The following DMXL2 variants were observed in gnomAD, a reference collection of about 807,000 sequenced individuals.
DMXL2 encodes the protein dmX-like protein 2.
Under a neutral mutation model 331.1 loss-of-function variants are expected in DMXL2, and 103 were observed. The ratio of observed to expected loss-of-function variants is 0.31; its 90% CI spans 0.27 to 0.37. The LOEUF is 0.37. Ranked by LOEUF, DMXL2 falls within the 10% of genes least tolerant of loss-of-function variation. The probability of loss-of-function intolerance (pLI) is 1.00; values close to 1 mark genes in which losing one functional copy is unlikely to be tolerated. For synonymous variants in DMXL2, 1,281 were observed against 1,252.1 expected (o/e 1.02, Z -0.49); for missense variants, 3,171 against 3,642.9 (o/e 0.87, Z 3.33).
At chr15:51,580,622 C>T (rs1438234365) in intron 1 of DMXL2, among the ~76,000 whole-genome samples, 2 of 152,156 alleles carry the variant, frequency 1.3e-5, no homozygotes, top group African/African-American at 4.8e-5. Flanking sequence ...TCAGCCCCTA[C>T]ACACAGAGAA....
At chr15:51,604,773 T>C (rs185325195) in intron 1 of DMXL2, among the ~76,000 whole-genome samples, 3 of 152,222 alleles carry the variant, frequency 2.0e-5, no homozygotes, top group East Asian at 3.9e-4. Context: ...GTAAAGGAAC[T>C]AGAATAACTA....
Position 51,469,676 on chromosome 15 carries a change from C to CA in DMXL2, c.7392+1546dup, listed in dbSNP as rs79500500. On this transcript the variant is annotated intron_variant, in intron 29 of 43. Coordinates refer to ENST00000560891, the MANE Select transcript of DMXL2 (RefSeq NM_001378457.1). ...GAAAAACAAAAATTTAGCACATTACCATTTACAAATCTTAATGTTGTTATC... is the reference window on the plus strand; with the variant it reads ...GAAAAACAAAAATTTAGCACATTACCAATTTACAAATCTTAATGTTGTTATC... Among the ~76,000 whole-genome samples, 415 of 152,250 alleles carry CA rather than the reference C, an allele frequency of 2.7e-3. 18 individuals carry two copies. In the East Asian group the frequency reaches 0.065, roughly 24 times the overall value.
At chr15:51,495,418 G>A (rs1294412806) in intron 18 of DMXL2, among the ~76,000 whole-genome samples, 3 of 151,936 alleles carry the variant, frequency 2.0e-5, no homozygotes, top group African/African-American at 7.3e-5. Context: ...AAAGACATCT[G>A]GAAATCCAAT....
At position 51,458,355 on chromosome 15, in the gene DMXL2, C is replaced by A; in HGVS notation, c.8198+151G>T. 4 of 718,442 alleles carry A rather than the reference C, an allele frequency of 5.6e-6. No individual in the cohort carries two copies. In the South Asian group the frequency reaches 7.7e-5, roughly 14 times the overall value. 44.5% of individuals were successfully genotyped at this position (718,442 alleles called of 1,614,324 possible). A position where few individuals can be genotyped will look rare whatever the true frequency, so the allele number is the denominator to read the frequency against. On this transcript the variant is annotated intron_variant, in intron 36 of 43. Coordinates refer to ENST00000560891, the MANE Select transcript of DMXL2 (RefSeq NM_001378457.1). Reference sequence around the variant, plus strand: ...TTCATTCAGTTAATGTAGACAAAGACTTTCACTGGCAGCTAAACCAATTAT... The same window carrying A: ...TTCATTCAGTTAATGTAGACAAAGAATTTCACTGGCAGCTAAACCAATTAT...
At chr15:51,599,299 A>G (rs2053057713) in intron 1 of DMXL2, among the ~76,000 whole-genome samples, 1 of 152,208 alleles carries the variant, frequency 6.6e-6, no homozygotes, top group South Asian at 2.1e-4. Context: ...TAGTGGACAA[A>G]GGTATTTAGA....
intron 27 of DMXL2, among the ~76,000 whole-genome samples, chr15:51,476,262 T>C (rs1205205671): frequency 6.6e-6 from 1 of 152,190 alleles, no homozygotes; most frequent in Non-Finnish European, 1.5e-5. Context: ...ATGGTATGTC[T>C]GTGAAAATAT....
intron 33 of DMXL2, among the ~76,000 whole-genome samples, chr15:51,462,269 C>T (rs1400268923): frequency 6.6e-6 from 1 of 151,854 alleles, no homozygotes; most frequent in Non-Finnish European, 1.5e-5. Context: ...CGTATGGACT[C>T]TCTCTGTTTT....
At chr15:51,466,155 A>G in intron 30 of DMXL2, 29 bp downstream of exon 30, 2 of 1,531,064 alleles carry the variant, frequency 1.3e-6, no homozygotes, top group South Asian at 2.5e-5. Context: ...AGCCAAAAAA[A>G]AAATGAGAGA....
intron 6 of DMXL2, among the ~76,000 whole-genome samples, chr15:51,552,530 T>C (rs28658123): frequency 6.6e-6 from 1 of 152,330 alleles, no homozygotes; most frequent in Non-Finnish European, 1.5e-5. Context: ...TGTTTAACTG[T>C]TCTCCCATGT....
At chr15:51,524,117 C>T (rs556063820) in intron 13 of DMXL2, among the ~76,000 whole-genome samples, 1 of 152,262 alleles carries the variant, frequency 6.6e-6, no homozygotes, top group South Asian at 2.1e-4. Context: ...CTAAAAAGGA[C>T]TGAAATCATA....
chr15:51,466,274 T>C lies in DMXL2; in HGVS notation c.7430A>G (p.Asp2477Gly). 6.5e-7 allele frequency: 1 copy of C among 1,542,022 alleles called. No homozygotes were observed. Among genetic ancestry groups the C allele is most frequent in the South Asian group, 1.3e-5 (1 of 77,512 alleles). ...LPLSDSGVIY[D>G]SDESIHSDEE... is the part of the protein sequence containing the mutation. ...ATCACTATGAATGCTTTCATCAGAA[T>C]CATATATAACACCACTATCAGACAA... Residue 2477 changes from aspartate (D) to glycine (G), a missense_variant, in exon 30 of 44, where the codon GAT (aspartate) becomes GGT (glycine). This residue lies in a region of DMXL2 where 766 missense variants were observed against 940.5 expected (regional missense o/e 0.81). Transcript: ENST00000560891.
At chr15:51,541,726 C>A (rs375504593) in intron 9 of DMXL2, among the ~76,000 whole-genome samples, 1 of 152,206 alleles carries the variant, frequency 6.6e-6, no homozygotes, top group East Asian at 1.9e-4. Context: ...AAATTTATAG[C>A]CTTTCTCCTA....
At chr15:51,466,095 T>C in intron 30 of DMXL2, 89 bp downstream of exon 30, 2 of 1,081,330 alleles carry the variant, frequency 1.8e-6, no homozygotes, top group Non-Finnish European at 2.6e-6. Flanking sequence ...AAATTCAGGA[T>C]AATAATGTTA....
intron 1 of DMXL2, among the ~76,000 whole-genome samples, chr15:51,608,393 A>G (rs2053735194): frequency 6.6e-6 from 1 of 152,232 alleles, no homozygotes; most frequent in Non-Finnish European, 1.5e-5. Flanking sequence ...AATGTGGTAC[A>G]CATATGCCAC....
intron 2 of DMXL2, among the ~76,000 whole-genome samples, chr15:51,569,722 A>G (rs2050535237): frequency 6.6e-6 from 1 of 152,238 alleles, no homozygotes; most frequent in Non-Finnish European, 1.5e-5. Context: ...ACTCTAGCAG[A>G]CCTGCAGCAG....
Position 51,481,393 on chromosome 15 carries a change from G to C in DMXL2, c.5713C>G (p.Leu1905Val), listed in dbSNP as rs774635047. Residue 1905 changes from leucine (L) to valine (V), a missense_variant, in exon 24 of 44, where the codon CTC becomes GTC. Leu to Val is a conservative substitution (Grantham distance 32, BLOSUM62 1). Transcript: ENST00000560891. ...TTGGTTACTTTTGGAATTTTGGAGA[G>C]TACCTCCAAGGCTAAAACAGGGCAT... The part of the protein sequence containing the change: ...VGCPVLALEV[L>V]SKIPKVTKTS... 3.0e-5 allele frequency: 49 copies of C among 1,613,378 alleles called. 2 individuals are homozygous for C. The South Asian group carries it at 5.1e-4, about 17-fold the overall frequency.
intron 1 of DMXL2, among the ~76,000 whole-genome samples, chr15:51,607,706 G>GA (rs2053686266): frequency 6.6e-6 from 1 of 152,018 alleles, no homozygotes; most frequent in Admixed American, 6.5e-5. Flanking sequence ...AAACACAAAG[G>GA]AAAAAAATCT....
chr15:51,457,648 G>A, intron 36 of DMXL2, 182 bp from the exon 37 acceptor site: 1 of 600,412 alleles, frequency 1.7e-6, no homozygotes, highest in Admixed American at 3.5e-5. Flanking sequence ...TTTCCCTTTT[G>A]GCAAAATGTA....
intron 27 of DMXL2, among the ~76,000 whole-genome samples, chr15:51,476,234 C>A (rs2041571820): frequency 6.6e-6 from 1 of 151,978 alleles, no homozygotes; most frequent in African/African-American, 2.4e-5. Context: ...CGCCCGAGAA[C>A]AACTAACTGT....
Sources: gnomAD v4.1 joint callset for allele counts (sites outside exome capture counted in the v4.1 genomes callset) on GRCh38, gnomAD v4.1.1 for gene constraint, gnomAD v4.1.1 regional missense constraint, MANE v1.5 for transcripts, NCBI Gene and HGNC (gene_info 2026-07-23, HGNC 2026-07-21) for gene names.